Variants in CADPS observed in about 807,000 individuals in gnomAD.
CADPS encodes calcium-dependent secretion activator 1.
In CADPS, 57 loss-of-function variants were observed where a neutral mutation model predicts 167.3. That is an observed-to-expected ratio of 0.34 (90% CI 0.28 to 0.42). The LOEUF (loss-of-function observed/expected upper bound fraction) is 0.42. Ranked by LOEUF, CADPS falls within the 20% of genes least tolerant of loss-of-function variation. The pLI is 1.00. For synonymous variants in CADPS, 676 were observed against 635.3 expected, an observed-to-expected ratio of 1.06 and a Z score of -0.96; for missense variants, 1,414 against 1,738.1, an observed-to-expected ratio of 0.81 and a Z score of 3.32.
chr3:62,553,949 C>A (rs1030990182), intron 10 of CADPS, among the ~76,000 whole-genome samples: 1 of 152,146 alleles, frequency 6.6e-6, no homozygotes, highest in African/African-American at 2.4e-5. Context: ...CAAAAAGACA[C>A]GTCTGGGAAT....
At chr3:62,520,204 T>C (rs906941395) in intron 13 of CADPS, among the ~76,000 whole-genome samples, 23 of 152,346 alleles carry the variant, frequency 1.5e-4, no homozygotes, top group African/African-American at 5.3e-4. Context: ...TAAATATCTC[T>C]GTGAATAAAA....
Position 62,761,140 on chromosome 3 carries a change from CCTT to C in CADPS, c.555+4728_555+4730del, listed in dbSNP as rs2085303808. ...TCCTGAAGTTAAACTGGTCTGGTTT[CCTT>C]CTTTTCTGAAGCTTAGCTGTTTCTT... On this transcript the variant is annotated intron_variant, in intron 2 of 29. Transcript: ENST00000383710. Among the ~76,000 whole-genome samples, 5 of 152,198 alleles carry C rather than the reference CCTT, an allele frequency of 3.3e-5. 1 individual carries two copies. The East Asian group carries it at 9.7e-4, about 30-fold the overall frequency.
rs1433116219 is a variant in CADPS, at chr3:62,421,650, C to T, written c.3777+16454G>A. Among the ~76,000 whole-genome samples, 1 of 152,226 alleles carries T rather than the reference C, an allele frequency of 6.6e-6. No individual in the cohort carries two copies. The highest frequency in any genetic ancestry group is 1.5e-5 in the Non-Finnish European group (1 of 68,046). On this transcript the variant is annotated intron_variant, in intron 28 of 29. Coordinates refer to ENST00000383710, the MANE Select transcript of CADPS (RefSeq NM_003716.4). This position sits in a 1 kb window ranked among gnomAD's most constrained non-coding sequence, Gnocchi z 4.7. The stretch of plus-strand genomic sequence containing the variant: ...TTCCCCCACCCCTCCTGACGCTTCC[C>T]CCTTTTCCCCCCAAAGGAGGGGGAA...
chr3:62,432,989 C>T (rs1575956236), intron 28 of CADPS, among the ~76,000 whole-genome samples: 2 of 152,216 alleles, frequency 1.3e-5, no homozygotes, highest in Middle Eastern at 3.4e-3. Context: ...ATGCACCTCT[C>T]CCCACTTCAT....
intron 1 of CADPS, among the ~76,000 whole-genome samples, chr3:62,851,176 G>T (rs947741339): frequency 1.6e-4 from 23 of 139,730 alleles, no homozygotes; most frequent in African/African-American, 5.3e-4. Context: ...GTCTCTGCAC[G>T]TGAGATGGGT....
rs1260158999 is a variant in CADPS, at chr3:62,601,544, C to T, written c.1326-8796G>A. ...AACATGCACTCACAAAGACAGCTGA[C>T]CCCATGGGGATCCAATTTGCTGCTC... On this transcript the variant is annotated intron_variant, in intron 6 of 29. Transcript: ENST00000383710. This position sits in a 1 kb window ranked among gnomAD's most constrained non-coding sequence, Gnocchi z 4.3. Among the ~76,000 whole-genome samples, 2 of 152,190 alleles carry T rather than the reference C, an allele frequency of 1.3e-5. 1 individual carries two copies. Among genetic ancestry groups the T allele is most frequent in the East Asian group, 3.9e-4 (2 of 5,192 alleles).
chr3:62,443,713 T>C (rs1226203402), intron 27 of CADPS, among the ~76,000 whole-genome samples: 1 of 152,152 alleles, frequency 6.6e-6, no homozygotes, highest in East Asian at 1.9e-4. Flanking sequence ...TCCGCCATGA[T>C]TGTAAGTTTC....
chr3:62,519,496 C>T (rs905959583), intron 13 of CADPS, among the ~76,000 whole-genome samples: 2 of 152,080 alleles, frequency 1.3e-5, no homozygotes, highest in African/African-American at 4.8e-5. Flanking sequence ...AAAAAATACC[C>T]CCAAACAGTA....
intron 6 of CADPS, among the ~76,000 whole-genome samples, chr3:62,593,771 C>G (rs1265626264): frequency 6.6e-6 from 1 of 152,218 alleles, no homozygotes; most frequent in African/African-American, 2.4e-5. Flanking sequence ...ATCTCCCAAT[C>G]TAAACTGGGT....
At chr3:62,728,758 G>A (rs556426777) in intron 3 of CADPS, among the ~76,000 whole-genome samples, 1 of 152,034 alleles carries the variant, frequency 6.6e-6, no homozygotes, top group East Asian at 1.9e-4. Context: ...AAACATATCT[G>A]TGTTTTATTC....
At chr3:62,555,570 T>C (rs2078000175) in intron 10 of CADPS, among the ~76,000 whole-genome samples, 1 of 152,212 alleles carries the variant, frequency 6.6e-6, no homozygotes, top group South Asian at 2.1e-4. Flanking sequence ...AATGGGGTAA[T>C]GATCCTGGTC....
chr3:62,714,619 CACTT>C (rs1185540332), intron 3 of CADPS, among the ~76,000 whole-genome samples: 1 of 152,110 alleles, frequency 6.6e-6, no homozygotes, highest in Non-Finnish European at 1.5e-5. Context: ...ATAAGGTACT[CACTT>C]AGAAGGGCAG....
In CADPS at chr3:62,478,151, C is replaced by T; in HGVS notation, c.3329+110G>A. 1 of 1,216,558 alleles carries T rather than the reference C, an allele frequency of 8.2e-7. No homozygotes were observed. Among genetic ancestry groups the T allele is most frequent in the Admixed American group, 1.9e-5 (1 of 51,358 alleles). The allele number at this position is 1,216,558 out of a possible 1,614,324, so 75.4% of individuals were successfully genotyped here. A position where few individuals can be genotyped will look rare whatever the true frequency, so the allele number is the denominator to read the frequency against. The stretch of plus-strand genomic sequence containing the variant: ...GCTGACTTTGACAAGCAATCCCCTT[C>T]TCCAATTAGTTTCAAACTACAGCCA... On this transcript the variant is annotated intron_variant, in intron 23 of 29. Coordinates refer to ENST00000383710, the MANE Select transcript of CADPS (RefSeq NM_003716.4). This position sits in a 1 kb window ranked among gnomAD's most constrained non-coding sequence, Gnocchi z 5.7.
intron 3 of CADPS, among the ~76,000 whole-genome samples, chr3:62,701,573 C>A (rs1211859151): frequency 6.8e-6 from 1 of 146,940 alleles, no homozygotes; most frequent in Non-Finnish European, 1.5e-5. Context: ...TGCACAACTG[C>A]ACTCCAGCCT....
At chr3:62,445,903 G>A in intron 26 of CADPS, 106 bp from the exon 27 acceptor site, 8 of 714,290 alleles carry the variant, frequency 1.1e-5, no homozygotes, top group Non-Finnish European at 1.7e-5. Flanking sequence ...CTGGCACATG[G>A]AGCTGACCAG....
At chr3:62,604,838 GAA>G (rs1203071554) in intron 6 of CADPS, among the ~76,000 whole-genome samples, 1 of 152,226 alleles carries the variant, frequency 6.6e-6, no homozygotes, top group Admixed American at 6.5e-5. Context: ...TATCTTTAGA[GAA>G]AATGAACTGC....
At chr3:62,747,469 G>C (rs1206894181) in intron 3 of CADPS, among the ~76,000 whole-genome samples, 2 of 152,168 alleles carry the variant, frequency 1.3e-5, no homozygotes, top group Non-Finnish European at 2.9e-5. Flanking sequence ...CTGATAATTT[G>C]AGGTTTCTCT....
chr3:62,542,997 A>C (rs1021226242), intron 11 of CADPS, among the ~76,000 whole-genome samples: 10 of 152,174 alleles, frequency 6.6e-5, no homozygotes, highest in Non-Finnish European at 1.2e-4. Flanking sequence ...ATAACTCACT[A>C]TATGGCATGA....
chr3:62,520,162 G>C (rs1398816268), intron 13 of CADPS, among the ~76,000 whole-genome samples: 2 of 152,144 alleles, frequency 1.3e-5, no homozygotes, highest in African/African-American at 2.4e-5. Context: ...TTAACATGAA[G>C]AGCCAGGATA....
Sources: allele counts gnomAD v4.1 joint callset (sites outside exome capture counted in the v4.1 genomes callset), GRCh38; gene constraint gnomAD v4.1.1; non-coding constraint Gnocchi (gnomAD v3.1); transcripts MANE v1.5; gene names NCBI Gene and HGNC (gene_info 2026-07-23, HGNC 2026-07-21).